The following ANKS1B variants were observed in gnomAD, a reference collection of about 807,000 sequenced individuals.
ANKS1B encodes ankyrin repeat and sterile alpha motif domain containing 1B.
ANKS1B carries 36 observed loss-of-function variants against 148.3 expected under a neutral mutation model. That is an observed-to-expected ratio of 0.24 (90% CI 0.19 to 0.32). The LOEUF is 0.32. ANKS1B is among the 10% of genes least tolerant of loss of function. The pLI is 1.00. For synonymous variants in ANKS1B, 542 were observed against 560.8 expected, an observed-to-expected ratio of 0.97 and a Z score of 0.47; for missense variants, 1,157 against 1,542.6, an observed-to-expected ratio of 0.75 and a Z score of 4.19.
intron 8 of ANKS1B, among the ~76,000 whole-genome samples, chr12:99,695,192 A>C (rs994463842): frequency 7.1e-6 from 1 of 140,514 alleles, no homozygotes; most frequent in Non-Finnish European, 1.5e-5. Flanking sequence ...AGCCTATAGA[A>C]GTTGACGTTT....
intron 10 of ANKS1B, among the ~76,000 whole-genome samples, chr12:99,467,378 C>A (rs2096140854): frequency 6.6e-6 from 1 of 152,180 alleles, no homozygotes; most frequent in Non-Finnish European, 1.5e-5. Context: ...AAAACTGGCA[C>A]AAGACAGGGA....
intron 1 of ANKS1B, among the ~76,000 whole-genome samples, chr12:99,977,388 G>A (rs2095642423): frequency 6.6e-6 from 1 of 152,094 alleles, no homozygotes; most frequent in Admixed American, 6.6e-5. Context: ...GGCCTCAAGT[G>A]ATACTCCCGT....
At chr12:98,889,679 G>A (rs917349172) in intron 17 of ANKS1B, among the ~76,000 whole-genome samples, 1 of 152,162 alleles carries the variant, frequency 6.6e-6, no homozygotes, top group South Asian at 2.1e-4. Flanking sequence ...GAAGTTTCTG[G>A]TTTTTTATTG....
intron 15 of ANKS1B, among the ~76,000 whole-genome samples, chr12:99,144,969 C>T (rs1600976913): frequency 6.6e-6 from 1 of 152,148 alleles, no homozygotes; most frequent in East Asian, 1.9e-4. Context: ...GTTTGTGGTT[C>T]TTTGTTGTGG....
chr12:99,186,448 T>C lies in ANKS1B; in HGVS notation c.2420-32053A>G, dbSNP rs147420338. ...ACACCCATGCCTCCTGACTGAGAGA[T>C]ACCTCCCAGCAGGAGTCGACAGACA... On this transcript the variant is annotated intron_variant, in intron 14 of 26. Coordinates refer to ENST00000683438, the MANE Select transcript of ANKS1B (RefSeq NM_001352186.2). Among the ~76,000 whole-genome samples the C allele has an allele frequency of 2.0e-3, 309 of 152,234 alleles. 2 individuals are homozygous for C. Among genetic ancestry groups the C allele is most frequent in the South Asian group, 9.1e-3 (44 of 4,826 alleles).
intron 9 of ANKS1B, among the ~76,000 whole-genome samples, chr12:99,596,481 T>C (rs1236956541): frequency 6.6e-6 from 1 of 152,046 alleles, no homozygotes; most frequent in African/African-American, 2.4e-5. Context: ...TAACTAATTA[T>C]ACCTGCAAAG....
chr12:99,894,636 C>G (rs1386416740), intron 1 of ANKS1B, among the ~76,000 whole-genome samples: 1 of 140,562 alleles, frequency 7.1e-6, no homozygotes, highest in Non-Finnish European at 1.7e-5. Context: ...CCTATACAAC[C>G]ATTTTGTTTC....
chr12:99,647,757 G>A (rs1215116107), intron 9 of ANKS1B: 1 of 192,226 alleles, frequency 5.2e-6, no homozygotes, highest in African/African-American at 2.3e-5. Context: ...TTTAGCAGCA[G>A]TGGATGGTTC....
At chr12:99,035,798 A>C (rs1287616725) in intron 17 of ANKS1B, among the ~76,000 whole-genome samples, 1 of 152,182 alleles carries the variant, frequency 6.6e-6, no homozygotes, top group African/African-American at 2.4e-5. Context: ...CCAGGCTAGA[A>C]TCAGAGTAAG....
intron 16 of ANKS1B, among the ~76,000 whole-genome samples, chr12:99,074,183 C>T (rs1038143377): frequency 1.1e-4 from 16 of 152,264 alleles, no homozygotes; most frequent in South Asian, 4.1e-4. Flanking sequence ...TGAAGGATGA[C>T]GGCTGCTGGG....
chr12:99,729,934 T>C (rs189440210), intron 8 of ANKS1B, among the ~76,000 whole-genome samples: 76 of 152,364 alleles, frequency 5.0e-4, no homozygotes, highest in African/African-American at 1.8e-3. Context: ...AAACTGAATA[T>C]GACACAAATA....
chr12:99,755,870 C>T (rs1447364210), intron 8 of ANKS1B, among the ~76,000 whole-genome samples: 1 of 151,996 alleles, frequency 6.6e-6, no homozygotes, highest in Non-Finnish European at 1.5e-5. Context: ...AAGGGCATTA[C>T]ATAATGGTAA....
At chr12:99,631,134 C>T (rs1351072360) in intron 9 of ANKS1B, among the ~76,000 whole-genome samples, 1 of 152,098 alleles carries the variant, frequency 6.6e-6, no homozygotes, top group Non-Finnish European at 1.5e-5. Flanking sequence ...GTCAATTAAA[C>T]CTCTCTCCTT....
chr12:99,154,833 C>G, intron 14 of ANKS1B: 1 of 1,522,994 alleles, frequency 6.6e-7, no homozygotes, highest in Non-Finnish European at 8.8e-7. Context: ...GCTCCATGCT[C>G]CTTGCTCCCC....
rs1404599379 is a variant in ANKS1B at position 98,744,891 on chromosome 12, T to C, written c.*848A>G. 1 of 985,602 alleles carries C rather than the reference T, an allele frequency of 1.0e-6. No homozygotes were observed. The highest frequency in any genetic ancestry group is 1.7e-5 in the African/African-American group (1 of 57,186). The allele number at this position is 985,602 out of a possible 1,614,324, so 61.1% of individuals were successfully genotyped here. A position where few individuals can be genotyped will look rare whatever the true frequency, so the allele number is the denominator to read the frequency against. ...GCGTCAGCACTTCCGGGCCTCCTGC[T>C]CTAGGGAGCATCACCAGTATTTTGC... On this transcript the variant is annotated 3_prime_UTR_variant, in exon 27 of 27. Transcript: ENST00000683438.
chr12:99,894,333 GAAAA>G (rs2093290526), intron 1 of ANKS1B, among the ~76,000 whole-genome samples: 2 of 143,322 alleles, frequency 1.4e-5, no homozygotes, highest in Non-Finnish European at 1.5e-5. Flanking sequence ...GGGAGGGAAA[GAAAA>G]GAAAAGAAAA....
At chr12:99,652,164 ACAC>A (rs1270830467) in intron 9 of ANKS1B, among the ~76,000 whole-genome samples, 2 of 152,000 alleles carry the variant, frequency 1.3e-5, no homozygotes, top group African/African-American at 4.8e-5. Flanking sequence ...ACACACACAC[ACAC>A]ATTCTTAAGA....
chr12:98,766,999 T>G (rs1235288445), intron 25 of ANKS1B, among the ~76,000 whole-genome samples: 7 of 132,672 alleles, frequency 5.3e-5, no homozygotes, highest in Admixed American at 1.5e-4. Context: ...TTTTTTTTTT[T>G]GCAGACATGG....
intron 17 of ANKS1B, among the ~76,000 whole-genome samples, chr12:98,924,162 C>A (rs2099805022): frequency 6.6e-6 from 1 of 152,198 alleles, no homozygotes; most frequent in African/African-American, 2.4e-5. Context: ...AGCAACTGAG[C>A]CACCACTGCA....
Sources: allele counts gnomAD v4.1 joint callset (sites outside exome capture counted in the v4.1 genomes callset), GRCh38; gene constraint gnomAD v4.1.1; transcripts MANE v1.5; gene names NCBI Gene and HGNC (gene_info 2026-07-23, HGNC 2026-07-21).